Variants in ZC4H2 observed in about 807,000 individuals in gnomAD.
ZC4H2 encodes the protein zinc finger C4H2-type containing, also known as zinc finger C4H2 domain-containing protein.
For missense variants in ZC4H2, 137 were observed against 173.9 expected (o/e 0.79, Z 1.19); for synonymous variants, 84 against 66.3 (o/e 1.27, Z -1.30).
intron 1 of ZC4H2, chrX:64,922,213 C>A (rs373547167): frequency 1.4e-6 from 1 of 692,106 alleles, no homozygotes; most frequent in Non-Finnish European, 1.9e-6. Flanking sequence ...GAGTTTGAAA[C>A]CAGCATGGGC....
chrX:64,945,088 C>A (rs2091117632), intron 1 of ZC4H2, among the ~76,000 whole-genome samples: 1 of 112,917 alleles, frequency 8.9e-6, no homozygotes, highest in South Asian at 3.6e-4. Flanking sequence ...GTCATTTCGT[C>A]AAACTCTTGC....
intron 1 of ZC4H2, 195 bp from the exon 2 acceptor site, chrX:64,922,183 G>T: frequency 1.0e-6 from 1 of 995,566 alleles, no homozygotes. Flanking sequence ...GACAGAGGCA[G>T]GAGGATCACT....
Position 64,954,002 on chromosome X carries a change from G to C in ZC4H2, c.53+22323C>G, listed in dbSNP as rs764500402. On this transcript the variant is annotated intron_variant, in intron 1 of 4. Transcript: ENST00000374839. ...ACTATGCAGCCATAAAAAATGATGA[G>C]TTCATGTCCTTTGTAGGGACATGGA... Among the ~76,000 whole-genome samples, 23 of 109,570 alleles carry C rather than the reference G, an allele frequency of 2.1e-4. No homozygotes were observed. The East Asian group carries it at 5.5e-3, about 26-fold the overall frequency.
intron 1 of ZC4H2, among the ~76,000 whole-genome samples, chrX:64,986,886 C>G (rs1932195727): frequency 9.2e-6 from 1 of 109,086 alleles, no homozygotes; most frequent in Non-Finnish European, 1.9e-5. Flanking sequence ...TATCAAAATC[C>G]AGAAATATTT....
intron 1 of ZC4H2, among the ~76,000 whole-genome samples, chrX:65,013,651 C>T (rs964359202): frequency 1.8e-5 from 2 of 111,272 alleles, no homozygotes; most frequent in South Asian, 3.8e-4. Flanking sequence ...ATCCTGCCAA[C>T]GACCATCTGA....
At chrX:65,014,213 G>A (rs1206259573) in intron 1 of ZC4H2, among the ~76,000 whole-genome samples, 2 of 111,106 alleles carry the variant, frequency 1.8e-5, no homozygotes, top group East Asian at 2.8e-4. Flanking sequence ...ATAGCACACC[G>A]GAGGTAAACA....
At chrX:64,942,012 G>A (rs1413187401) in intron 1 of ZC4H2, among the ~76,000 whole-genome samples, 2 of 110,853 alleles carry the variant, frequency 1.8e-5, no homozygotes, top group Non-Finnish European at 3.8e-5. Flanking sequence ...CTGTGAATCC[G>A]CCTGGCCCTG....
rs1931947907 is a variant in ZC4H2, at chrX:64,976,340, C to T, written c.38G>A (p.Ser13Asn). ...DEQEIMCKLE[S>N]IKEIRNKTLQ... ...TGCCACTTACCTGATCTCTTTAATG[C>T]TTTCCAATTTGCACATGATTTCTTG... Residue 13 changes from serine (S) to asparagine (N), a missense_variant, in exon 1 of 5, where the codon AGC (serine) becomes AAC (asparagine). Physicochemically the swap from Ser to Asn is conservative, Grantham distance 46. Transcript: ENST00000374839. 1 of 1,210,154 alleles carries T rather than the reference C, an allele frequency of 8.3e-7. No individual in the cohort carries two copies. The highest frequency in any genetic ancestry group is 1.1e-6 in the Non-Finnish European group (1 of 895,217).
At chrX:64,954,451 T>A (rs946700836) in intron 1 of ZC4H2, among the ~76,000 whole-genome samples, 10 of 94,171 alleles carry the variant, frequency 1.1e-4, no homozygotes, top group Non-Finnish European at 1.8e-4. Context: ...GTTTGAGTGC[T>A]TGCTATTAAT....
At chrX:65,004,741 G>A (rs1309087395) in intron 1 of ZC4H2, among the ~76,000 whole-genome samples, 4 of 112,005 alleles carry the variant, frequency 3.6e-5, no homozygotes, top group Admixed American at 9.5e-5. Context: ...GGGCAATCAG[G>A]CAAGAGAAAG....
At chrX:64,965,949 CAA>C (rs148777993) in intron 1 of ZC4H2, among the ~76,000 whole-genome samples, 1 of 37,580 alleles carries the variant, frequency 2.7e-5, no homozygotes, top group Non-Finnish European at 4.0e-5. Context: ...AACAAAGAAG[CAA>C]AAAAAAAAAA....
At chrX:64,999,414 A>G (rs1220879444) in intron 1 of ZC4H2, among the ~76,000 whole-genome samples, 1 of 112,396 alleles carries the variant, frequency 8.9e-6, no homozygotes, top group African/African-American at 3.2e-5. Context: ...CGGCACAGAT[A>G]CTATGCTTTG....
Position 64,921,957 on chromosome X carries a change from C to T in ZC4H2, c.85G>A (p.Ala29Thr), listed in dbSNP as rs753470726. 3 of 1,210,837 alleles carry T rather than the reference C, an allele frequency of 2.5e-6. No individual in the cohort carries two copies. The South Asian group carries it at 5.3e-5, about 21-fold the overall frequency. Residue 29 changes from alanine (A) to threonine (T), a missense_variant, in exon 2 of 5, where the codon GCT (alanine) becomes ACT (threonine). By Grantham distance (58) the Ala-to-Thr change is moderately conservative (BLOSUM62 0). Coordinates refer to ENST00000374839, the MANE Select transcript of ZC4H2 (RefSeq NM_018684.4). The stretch of plus-strand genomic sequence containing the variant: ...GCCTCAAACTCAGCCTTCAAACGAG[C>T]CTTGATCTTCTCCATCTGCAGGGTC... ...NKTLQMEKIK[A>T]RLKAEFEALE...
rs1424521340 is a variant in ZC4H2, at chrX:64,988,730, G to C, written c.-272+45899C>G. On this transcript the variant is annotated intron_variant, in intron 1 of 4. Transcript: ENST00000337990. ...GTGCAGAAGCTCTTTAGTTTAACTA[G>C]ATCCCATCTGTCAATTTTGGCTTTT... Among the ~76,000 whole-genome samples, 4 of 111,334 alleles carry C rather than the reference G, an allele frequency of 3.6e-5. No homozygotes were observed. The East Asian group carries it at 1.1e-3, about 31-fold the overall frequency.
chrX:64,922,085 C>A, intron 1 of ZC4H2, 97 bp from the exon 2 acceptor site: 1 of 1,129,390 alleles, frequency 8.9e-7, no homozygotes, highest in East Asian at 3.2e-5. Flanking sequence ...TACAAGCTTC[C>A]CCCTCTCCAG....
At chrX:64,983,490 CA>C (rs1312851159) in intron 1 of ZC4H2, among the ~76,000 whole-genome samples, 2 of 110,942 alleles carry the variant, frequency 1.8e-5, no homozygotes, top group African/African-American at 6.6e-5. Context: ...ATGAAAATAC[CA>C]AACAAATGCA....
chrX:64,948,105 A>G (rs914418176), intron 1 of ZC4H2, among the ~76,000 whole-genome samples: 1 of 111,561 alleles, frequency 9.0e-6, no homozygotes, highest in African/African-American at 3.3e-5. Flanking sequence ...CGTTTGATCT[A>G]TCAGAGGAGC....
chrX:64,960,159 G>A (rs1289129729), intron 1 of ZC4H2, among the ~76,000 whole-genome samples: 1 of 110,844 alleles, frequency 9.0e-6, no homozygotes, highest in Non-Finnish European at 1.9e-5. Context: ...CTGCAGGGAA[G>A]GGAAACTCAG....
intron 1 of ZC4H2, among the ~76,000 whole-genome samples, chrX:64,969,180 A>G (rs764877103): frequency 8.9e-6 from 1 of 112,421 alleles, no homozygotes; most frequent in African/African-American, 3.2e-5. Flanking sequence ...GCAGACTGCT[A>G]GGCCACAGGT....
Sources: allele counts gnomAD v4.1 joint callset (sites outside exome capture counted in the v4.1 genomes callset), GRCh38; gene constraint gnomAD v4.1.1; transcripts MANE v1.5; gene names NCBI Gene and HGNC (gene_info 2026-07-23, HGNC 2026-07-21).